Variants in ELOVL4 observed in about 807,000 individuals in gnomAD.
ELOVL4 encodes the protein very long chain fatty acid elongase 4.
Under a neutral mutation model 42.1 loss-of-function variants are expected in ELOVL4, and 18 were observed. That is an observed-to-expected ratio of 0.43 (90% CI 0.30 to 0.63). ELOVL4 has a LOEUF of 0.63. Among genes scored for constraint, ELOVL4 ranks in the 30% least tolerant of loss-of-function variants. The pLI, the probability that ELOVL4 is intolerant of heterozygous loss-of-function variation, is 0.15. For synonymous variants in ELOVL4, 117 were observed against 127.0 expected (o/e 0.92, Z 0.53); for missense variants, 299 against 376.2 (o/e 0.79, Z 1.70).
chr6:79,920,338 T>G (rs867730771), intron 4 of ELOVL4, among the ~76,000 whole-genome samples: 1 of 152,180 alleles, frequency 6.6e-6, no homozygotes, highest in African/African-American at 2.4e-5. Context: ...GAATCATCCT[T>G]AATCTACAGG....
chr6:79,920,368 C>A (rs1774233218), intron 4 of ELOVL4, among the ~76,000 whole-genome samples: 1 of 152,186 alleles, frequency 6.6e-6, no homozygotes, highest in African/African-American at 2.4e-5. Flanking sequence ...AGACAGGAGG[C>A]AGATCTTGGC....
chr6:79,947,358 G>GCC lies in ELOVL4; in HGVS notation c.-80_-79insGG. On this transcript the variant is annotated 5_prime_UTR_variant, in exon 1 of 6. Transcript: ENST00000369816. ...GCTGACCCCGGAGGCGGTGGCGGCC[G>GCC]ACGGGGCGAGCGGCGGCCGGGAACC... 1 of 1,155,604 alleles carries GCC rather than the reference G, an allele frequency of 8.7e-7. No individual in the cohort carries two copies. Among genetic ancestry groups the GCC allele is most frequent in the Non-Finnish European group, 1.3e-6 (1 of 792,946 alleles). 71.6% of individuals were successfully genotyped at this position (1,155,604 alleles called of 1,614,324 possible).
At position 79,919,652 on chromosome 6, in the gene ELOVL4, CTT is replaced by C. The variant is rs1364080381; in HGVS notation, c.542-107_542-106del. On this transcript the variant is annotated intron_variant, in intron 4 of 5. Transcript: ENST00000369816. ...TACACATTATTTTTTAATATTTAAT[CTT>C]GAGTACAGATTAGAAATGAAAAATA... The C allele has an allele frequency of 1.3e-4, 131 of 1,025,836 alleles. 3 individuals are homozygous for C. The South Asian group carries it at 1.8e-3, about 14-fold the overall frequency. 63.5% of individuals were successfully genotyped at this position (1,025,836 alleles called of 1,614,324 possible). A position where few individuals can be genotyped will look rare whatever the true frequency, so the allele number is the denominator to read the frequency against.
intron 1 of ELOVL4, among the ~76,000 whole-genome samples, chr6:79,945,649 C>T (rs1172235209): frequency 6.6e-6 from 1 of 152,078 alleles, no homozygotes; most frequent in Non-Finnish European, 1.5e-5. Flanking sequence ...TGCTAAAGAA[C>T]TTGTCTGATG....
chr6:79,920,339 A>AGG (rs1363983929), intron 4 of ELOVL4, among the ~76,000 whole-genome samples: 1 of 152,192 alleles, frequency 6.6e-6, no homozygotes, highest in African/African-American at 2.4e-5. Context: ...AATCATCCTT[A>AGG]ATCTACAGGC....
chr6:79,947,201 G>A lies in ELOVL4; in HGVS notation c.79C>T (p.Arg27Cys), dbSNP rs764013020. ...TALNDTVEFY[R>C]WTWSIADKRV... ...TTACCTGCGATGGACCAGGTCCAGC[G>A]GTAGAACTCTACCGTGTCGTTGAGT... is the stretch of plus-strand genomic sequence containing the variant. Residue 27 changes from arginine (R) to cysteine (C), a missense_variant, in exon 1 of 6, where the codon CGC (arginine) becomes TGC (cysteine). Physicochemically the swap from Arg to Cys is radical, Grantham distance 180. Transcript: ENST00000369816. 1 of 1,612,948 alleles carries A rather than the reference G, an allele frequency of 6.2e-7. No individual in the cohort carries two copies. Among genetic ancestry groups the A allele is most frequent in the African/African-American group, 1.3e-5 (1 of 75,004 alleles).
chr6:79,933,696 A>G (rs1276123910), intron 1 of ELOVL4, among the ~76,000 whole-genome samples: 5 of 152,180 alleles, frequency 3.3e-5, no homozygotes, highest in African/African-American at 1.2e-4. Context: ...ATAGATTCCC[A>G]GGTCCTACTG....
intron 1 of ELOVL4, among the ~76,000 whole-genome samples, chr6:79,932,913 T>G (rs1170778624): frequency 6.6e-6 from 1 of 152,016 alleles, no homozygotes; most frequent in Non-Finnish European, 1.5e-5. Flanking sequence ...AGAAGAGGAA[T>G]TTGACAAGCA....
At chr6:79,923,012 G>GT (rs759531824) in intron 3 of ELOVL4, among the ~76,000 whole-genome samples, 7 of 152,038 alleles carry the variant, frequency 4.6e-5, no homozygotes, top group Non-Finnish European at 8.8e-5. Context: ...TTAAAATAAA[G>GT]TAACTGTCAC....
intron 1 of ELOVL4, among the ~76,000 whole-genome samples, chr6:79,940,892 T>C (rs1475579830): frequency 1.3e-5 from 2 of 152,198 alleles, no homozygotes; most frequent in African/African-American, 2.4e-5. Context: ...TAAACAGGTA[T>C]AGTGTTACAG....
At chr6:79,920,044 T>C (rs934966126) in intron 4 of ELOVL4, among the ~76,000 whole-genome samples, 1 of 152,224 alleles carries the variant, frequency 6.6e-6, no homozygotes, top group African/African-American at 2.4e-5. Context: ...AATGACATTC[T>C]TTCTTTTCAG....
intron 1 of ELOVL4, among the ~76,000 whole-genome samples, chr6:79,939,708 T>C (rs1293588995): frequency 6.6e-6 from 1 of 151,960 alleles, no homozygotes; most frequent in African/African-American, 2.4e-5. Context: ...TATTTTTTTG[T>C]TGCTCATGTT....
In ELOVL4 at chr6:79,916,590, G is replaced by T. The variant is rs1345251334; in HGVS notation, c.*18C>A. 4 of 1,612,914 alleles carry T rather than the reference G, an allele frequency of 2.5e-6. No individual in the cohort carries two copies. The highest frequency in any genetic ancestry group is 2.5e-6 in the Non-Finnish European group (3 of 1,179,968). On this transcript the variant is annotated 3_prime_UTR_variant, in exon 6 of 6. Transcript: ENST00000369816. ...GAGTTTTTCCTCACTGTCAACAACA[G>T]TTAAGGCCCAGTTCAATTTAATCTC...
chr6:79,919,187 A>G (rs918714406), intron 5 of ELOVL4, among the ~76,000 whole-genome samples: 26 of 152,028 alleles, frequency 1.7e-4, no homozygotes, highest in African/African-American at 5.1e-4. Context: ...TCCTTAGAGG[A>G]GTAAGGGCTA....
At chr6:79,921,933 A>T in intron 3 of ELOVL4, 137 bp from the exon 4 acceptor site, 2 of 839,184 alleles carry the variant, frequency 2.4e-6, no homozygotes, top group Non-Finnish European at 3.8e-6. Flanking sequence ...ATGGCTAAGT[A>T]GGTTTGAAAA....
intron 3 of ELOVL4, among the ~76,000 whole-genome samples, chr6:79,924,029 A>G (rs1037596994): frequency 2.0e-5 from 3 of 152,150 alleles, no homozygotes; most frequent in Non-Finnish European, 4.4e-5. Flanking sequence ...TTTATATGTA[A>G]TTTCTAGTAT....
chr6:79,937,673 T>C (rs114769393), intron 1 of ELOVL4, among the ~76,000 whole-genome samples: 19 of 152,334 alleles, frequency 1.2e-4, no homozygotes, highest in African/African-American at 4.6e-4. Context: ...ATGGTATTTA[T>C]TGAATAAATA....
At chr6:79,938,122 T>C (rs1181039132) in intron 1 of ELOVL4, among the ~76,000 whole-genome samples, 3 of 152,212 alleles carry the variant, frequency 2.0e-5, no homozygotes, top group East Asian at 3.8e-4. Context: ...GGAGAAAATA[T>C]ATCTCGAGAG....
intron 2 of ELOVL4, 31 bp downstream of exon 2, chr6:79,926,163 G>A: frequency 6.3e-7 from 1 of 1,586,992 alleles, no homozygotes; most frequent in Non-Finnish European, 8.6e-7. Flanking sequence ...AATAACCTTG[G>A]AAAATTATTA....
Sources: gnomAD v4.1 joint callset for allele counts (sites outside exome capture counted in the v4.1 genomes callset) on GRCh38, gnomAD v4.1.1 for gene constraint, MANE v1.5 for transcripts, NCBI Gene and HGNC (gene_info 2026-07-23, HGNC 2026-07-21) for gene names.